Variants in RIN2 observed in about 807,000 individuals in gnomAD.
RIN2 encodes the protein Ras and Rab interactor 2.
RIN2 carries 36 observed loss-of-function variants against 78.0 expected under a neutral mutation model. The observed-to-expected ratio is 0.46, with a 90% CI of 0.35 to 0.61. RIN2 has a LOEUF of 0.61. Among genes scored for constraint, RIN2 ranks in the 20% least tolerant of loss-of-function variants. The probability of loss-of-function intolerance (pLI) is 0.00; values close to 1 mark genes in which losing one functional copy is unlikely to be tolerated. For synonymous variants in RIN2, 466 were observed against 466.8 expected, an observed-to-expected ratio of 1.00 and a Z score of 0.02; for missense variants, 1,087 against 1,159.7, an observed-to-expected ratio of 0.94 and a Z score of 0.91.
chr20:19,990,440 C>A, intron 10 of RIN2, 129 bp downstream of exon 10: 1 of 833,174 alleles, frequency 1.2e-6, no homozygotes, highest in Non-Finnish European at 1.9e-6. Flanking sequence ...AAGTGGCTTA[C>A]AGAACTACAA....
At chr20:19,989,272 C>CTTTTT (rs11455546) in intron 9 of RIN2, among the ~76,000 whole-genome samples, 6 of 109,358 alleles carry the variant, frequency 5.5e-5, no homozygotes, top group Admixed American at 9.9e-5. Flanking sequence ...AGAAAACATT[C>CTTTTT]TTTTTTTTTT....
chr20:19,876,958 T>TG (rs2037878165), intron 2 of RIN2, among the ~76,000 whole-genome samples: 1 of 151,708 alleles, frequency 6.6e-6, no homozygotes, highest in South Asian at 2.1e-4. Flanking sequence ...CCAAGTGTAC[T>TG]GGGGCATTCA....
rs959355103 is a variant in RIN2 at position 19,878,006 on chromosome 20, T to G, written c.-36-11560T>G. On this transcript the variant is annotated intron_variant, in intron 2 of 12. Transcript: ENST00000255006. Reference sequence around the variant, plus strand: ...GTGCATTCTAGTCTGGGCGACAGAGTAAGAGTGTCTCAAAAAAGAAAAATA... The same window carrying G: ...GTGCATTCTAGTCTGGGCGACAGAGGAAGAGTGTCTCAAAAAAGAAAAATA... 3.3e-5 allele frequency among the ~76,000 whole-genome samples: 5 copies of G among 151,946 alleles called. No homozygotes were observed. In the South Asian group the frequency reaches 1.0e-3, roughly 32 times the overall value.
chr20:19,996,075 G>A (rs2042952247), intron 11 of RIN2, among the ~76,000 whole-genome samples: 1 of 152,160 alleles, frequency 6.6e-6, no homozygotes. Flanking sequence ...AGCACTTTGA[G>A]AGGCCGAGAC....
At chr20:19,844,682 CTTCCT>C (rs2036714244) in intron 2 of RIN2, among the ~76,000 whole-genome samples, 1 of 18,442 alleles carries the variant, frequency 5.4e-5, no homozygotes, top group African/African-American at 1.5e-4. Context: ...TCTTCTTCTT[CTTCCT>C]CTTCCTCTTC....
At chr20:19,911,966 TG>T (rs1469285742) in intron 3 of RIN2, among the ~76,000 whole-genome samples, 1 of 141,174 alleles carries the variant, frequency 7.1e-6, no homozygotes, top group African/African-American at 2.7e-5. Flanking sequence ...AGACAGGGGC[TG>T]TCTGTGGTTT....
At chr20:19,931,865 G>A (rs116300805) in intron 3 of RIN2, among the ~76,000 whole-genome samples, 1,985 of 152,142 alleles carry the variant, frequency 0.013, 35 homozygotes, top group African/African-American at 0.045. Flanking sequence ...GAACCCTTAG[G>A]TGTTCTCACA....
In RIN2 at chr20:19,990,222, C is replaced by G; in HGVS notation, c.1979C>G (p.Thr660Ser). The change falls in exon 10 of 13, where the codon ACC (threonine) becomes AGC (serine). Residue 660 changes from threonine (T) to serine (S), a missense_variant. By Grantham distance (58) the Thr-to-Ser change is moderately conservative. Coordinates refer to ENST00000255006, the MANE Select transcript of RIN2 (RefSeq NM_018993.4). Reference sequence around the variant, plus strand: ...GAGAAAATCAAAGTCAAGTTCATGACCATGCAGAAGATGTATTCGCCGGAA... The same window carrying G: ...GAGAAAATCAAAGTCAAGTTCATGAGCATGCAGAAGATGTATTCGCCGGAA... ...DVEKIKVKFMTMQKMYSPEKK... is the reference protein window; with the variant it reads ...DVEKIKVKFMSMQKMYSPEKK... 1 of 1,612,786 alleles carries G rather than the reference C, an allele frequency of 6.2e-7. No homozygotes were observed. Among genetic ancestry groups the G allele is most frequent in the Non-Finnish European group, 8.5e-7 (1 of 1,179,490 alleles).
At chr20:19,920,888 G>C (rs1202136670) in intron 3 of RIN2, among the ~76,000 whole-genome samples, 2 of 152,192 alleles carry the variant, frequency 1.3e-5, no homozygotes, top group African/African-American at 4.8e-5. Context: ...GGCCAGGCTG[G>C]TCTTGAACTC....
At chr20:19,970,293 T>C (rs550406752) in intron 7 of RIN2, among the ~76,000 whole-genome samples, 1 of 152,330 alleles carries the variant, frequency 6.6e-6, no homozygotes, top group East Asian at 1.9e-4. Flanking sequence ...AAGCTCTGCC[T>C]TCAAACACAG....
In RIN2 at chr20:19,859,142, A is replaced by T. The variant is rs911245050; in HGVS notation, c.-36-30424A>T. Among the ~76,000 whole-genome samples, 4 of 152,312 alleles carry T rather than the reference A, an allele frequency of 2.6e-5. No homozygotes were observed. In the East Asian group the frequency reaches 7.7e-4, roughly 29 times the overall value. ...TTAGAATGTTGGGACTACATTGATG[A>T]ATCAGAGTCTCCTTAGAGGCACTAA... On this transcript the variant is annotated intron_variant, in intron 2 of 12. Transcript: ENST00000255006.
intron 2 of RIN2, among the ~76,000 whole-genome samples, chr20:19,800,323 A>G (rs1444962159): frequency 6.6e-6 from 1 of 152,178 alleles, no homozygotes; most frequent in Non-Finnish European, 1.5e-5. Context: ...ATGGCAGATC[A>G]TATTTTTCAA....
rs2123052113 is a variant in RIN2, at chr20:19,837,389, G to A, written c.-37+37642G>A. Among the ~76,000 whole-genome samples the A allele has an allele frequency of 2.0e-5, 3 of 152,326 alleles. No homozygotes were observed. The South Asian group carries it at 6.2e-4, about 32-fold the overall frequency. Reference sequence around the variant, plus strand: ...AAGGCTCTGAGAAATCCACAGGGAAGCATTATCTCTTTCTTAATCTTCACT... The same window carrying A: ...AAGGCTCTGAGAAATCCACAGGGAAACATTATCTCTTTCTTAATCTTCACT... On this transcript the variant is annotated intron_variant, in intron 2 of 12. Coordinates refer to ENST00000255006, the MANE Select transcript of RIN2 (RefSeq NM_018993.4).
intron 11 of RIN2, among the ~76,000 whole-genome samples, chr20:19,993,926 G>A (rs1391922573): frequency 6.6e-6 from 1 of 152,156 alleles, no homozygotes; most frequent in African/African-American, 2.4e-5. Context: ...AAGACACGCC[G>A]GTTTCACTTA....
At chr20:19,828,634 T>C (rs2036165745) in intron 2 of RIN2, among the ~76,000 whole-genome samples, 1 of 152,192 alleles carries the variant, frequency 6.6e-6, no homozygotes, top group Admixed American at 6.5e-5. Context: ...GGTGCATAGA[T>C]TTATTTGTCC....
At chr20:19,924,351 TCTTCATACCCC>T (rs2040094283) in intron 3 of RIN2, among the ~76,000 whole-genome samples, 1 of 6,972 alleles carries the variant, frequency 1.4e-4, no homozygotes, top group South Asian at 0.011. Flanking sequence ...ATACCCCACC[TCTTCATACCCC>T]CACCTTCATA....
chr20:19,820,317 GT>G (rs2035889774), intron 2 of RIN2, among the ~76,000 whole-genome samples: 1 of 152,186 alleles, frequency 6.6e-6, no homozygotes, highest in Non-Finnish European at 1.5e-5. Flanking sequence ...ACAGATGCCA[GT>G]TTTAAGAGAC....
intron 3 of RIN2, among the ~76,000 whole-genome samples, chr20:19,890,017 T>A (rs2038374653): frequency 6.6e-6 from 1 of 152,016 alleles, no homozygotes; most frequent in Admixed American, 6.5e-5. Context: ...ATGTGTTCTC[T>A]CCTTGGCTTG....
At chr20:19,850,709 A>T (rs144711606) in intron 2 of RIN2, among the ~76,000 whole-genome samples, 1 of 152,194 alleles carries the variant, frequency 6.6e-6, no homozygotes, top group Non-Finnish European at 1.5e-5. Context: ...TCATGCCTGT[A>T]ATCCCAGCAC....
Sources: gnomAD v4.1 joint callset for allele counts (sites outside exome capture counted in the v4.1 genomes callset) on GRCh38, gnomAD v4.1.1 for gene constraint, MANE v1.5 for transcripts, NCBI Gene and HGNC (gene_info 2026-07-23, HGNC 2026-07-21) for gene names.